ZBP1: variants seen among roughly 807,000 people sequenced by gnomAD.
The protein encoded by ZBP1 is Z-DNA-binding protein 1.
In ZBP1, 42 loss-of-function variants were observed where a neutral mutation model predicts 41.1. The observed-to-expected ratio is 1.02, with a 90% confidence interval of 0.80 to 1.32. The LOEUF (loss-of-function observed/expected upper bound fraction) is 1.32. ZBP1 is among the 40% of genes most tolerant of loss of function. The pLI is 0.00. For missense variants in ZBP1, 562 were observed against 549.7 expected (o/e 1.02, Z -0.22); for synonymous variants, 214 against 205.2 (o/e 1.04, Z -0.37).
At chr20:57,615,135 T>C (rs760291629) in intron 3 of ZBP1, 75 bp from the exon 4 acceptor site, 18 of 1,529,960 alleles carry the variant, frequency 1.2e-5, no homozygotes, top group Non-Finnish European at 1.3e-5. Flanking sequence ...CCTAGCTGTG[T>C]GGCCCTGGAC....
Position 57,614,955 on chromosome 20 carries a change from T to C in ZBP1, c.434A>G (p.Tyr145Cys). The change falls in exon 4 of 8, where the codon TAC becomes TGC. Residue 145 changes from tyrosine to cysteine, a missense_variant. Physicochemically the swap from Tyr to Cys is radical, Grantham distance 194. Transcript: ENST00000371173. Reference sequence around the variant, plus strand: ...CAGAAGGTGCCTGCTCTTCATCCTGTACAAGTCTCGGTTCACATCTTTTGC... The same window carrying C: ...CAGAAGGTGCCTGCTCTTCATCCTGCACAAGTCTCGGTTCACATCTTTTGC... ...RTAKDVNRDLYRMKSRHLLDM... is the reference protein window; with the variant it reads ...RTAKDVNRDLCRMKSRHLLDM... The C allele has an allele frequency of 6.2e-7, 1 of 1,614,248 alleles. No individual in the cohort carries two copies.
chr20:57,614,845 G>T (rs2070773507), intron 4 of ZBP1, 42 bp downstream of exon 4: 6 of 1,609,744 alleles, frequency 3.7e-6, no homozygotes, highest in Non-Finnish European at 5.1e-6. Context: ...CTAGTGTCAT[G>T]GTTTCCCTCT....
intron 6 of ZBP1, 132 bp downstream of exon 6, chr20:57,611,595 G>A (rs1482855006): frequency 2.8e-6 from 3 of 1,053,978 alleles, no homozygotes; most frequent in Non-Finnish European, 4.1e-6. Flanking sequence ...GCTCTACTCT[G>A]GTTCAGCTGC....
intron 1 of ZBP1, chr20:57,616,764 C>A (rs1415775759): frequency 2.2e-6 from 1 of 452,306 alleles, no homozygotes; most frequent in Non-Finnish European, 4.1e-6. Context: ...CAGTGGGGTT[C>A]CTCAGCTCTC....
Position 57,610,014 on chromosome 20 carries a change from G to A in ZBP1, c.1093+135C>T, listed in dbSNP as rs78469622. ...GCTGACTCTAGAGCTGCTGCTCCTC[G>A]CTGTGGGTGGGCACAGCCTCCAGAC... On this transcript the variant is annotated intron_variant, in intron 7 of 7. Transcript: ENST00000371173. The surrounding 1 kb of genome is among the most constrained non-coding windows in gnomAD (Gnocchi z 5.5). 13,770 of 986,546 alleles carry A rather than the reference G, an allele frequency of 0.014. 160 individuals carry two copies. Among genetic ancestry groups the A allele is most frequent in the Middle Eastern group, 0.028 (82 of 2,972 alleles). 61.1% of individuals were successfully genotyped at this position (986,546 alleles called of 1,614,324 possible).
At position 57,620,388 on chromosome 20, in the gene ZBP1, G is replaced by A. The variant is rs1472508340; in HGVS notation, c.-93C>T. 1.4e-6 allele frequency: 2 copies of A among 1,431,806 alleles called. No homozygotes were observed. Among genetic ancestry groups the A allele is most frequent in the Non-Finnish European group, 1.9e-6 (2 of 1,053,722 alleles). The allele number at this position is 1,431,806 out of a possible 1,614,324, so 88.7% of individuals were successfully genotyped here. A position where few individuals can be genotyped will look rare whatever the true frequency, so the allele number is the denominator to read the frequency against. On this transcript the variant is annotated 5_prime_UTR_variant, in exon 1 of 8. Coordinates refer to ENST00000371173, the MANE Select transcript of ZBP1 (RefSeq NM_030776.3). ...GAGGGTGGGCTAGGTCGAGGCTGGG[G>A]CTTCTGAAGTGGCCGAGCCTGGTGC...
chr20:57,615,455 G>T (rs1240868238), intron 3 of ZBP1, 57 bp downstream of exon 3: 1 of 1,578,680 alleles, frequency 6.3e-7, no homozygotes, highest in Non-Finnish European at 8.7e-7. Flanking sequence ...AGGGCCTGGG[G>T]TTCCTGGGGA....
chr20:57,613,301 A>AGGC lies in ZBP1; in HGVS notation c.529_531dup (p.Ala177dup). On this transcript the variant is annotated inframe_insertion, in exon 5 of 8. Coordinates refer to ENST00000371173, the MANE Select transcript of ZBP1 (RefSeq NM_030776.3). The surrounding 1 kb of genome is among the most constrained non-coding windows in gnomAD (Gnocchi z 4.5). ...ATTGGATTGTGCTGGTAAATAATTGAGGCTGACTTTGCTCTTCTTCCAGAA... is the reference window on the plus strand; with the variant it reads ...ATTGGATTGTGCTGGTAAATAATTGAGGCGGCTGACTTTGCTCTTCTTCCAGAA... 6.2e-7 allele frequency: 1 copy of AGGC among 1,614,176 alleles called. No homozygotes were observed. The highest frequency in any genetic ancestry group is 8.5e-7 in the Non-Finnish European group (1 of 1,180,050).
intron 1 of ZBP1, 50 bp from the exon 2 acceptor site, chr20:57,616,518 C>G (rs765401711): frequency 1.4e-5 from 23 of 1,603,276 alleles, no homozygotes; most frequent in Non-Finnish European, 1.8e-5. Flanking sequence ...TCCCAGGTCC[C>G]CACAGTTGAG....
chr20:57,615,234 G>T, intron 3 of ZBP1, 174 bp from the exon 4 acceptor site: 1 of 749,674 alleles, frequency 1.3e-6, no homozygotes, highest in Non-Finnish European at 2.2e-6. Flanking sequence ...TGCCCTGAGG[G>T]TGGGGGATGT....
chr20:57,616,183 C>G, intron 2 of ZBP1, 61 bp downstream of exon 2: 1 of 1,505,668 alleles, frequency 6.6e-7, no homozygotes. Flanking sequence ...CAAATCTGTG[C>G]TTGTCCATTG....
chr20:57,606,925 A>G, intron 7 of ZBP1: 2 of 1,126,692 alleles, frequency 1.8e-6, no homozygotes, highest in Non-Finnish European at 2.2e-6. Flanking sequence ...TTTTTTTACT[A>G]CTCGTTGACA....
Position 57,604,131 on chromosome 20 carries a change from C to G in ZBP1, c.*442G>C, listed in dbSNP as rs1232601777. 4 of 289,122 alleles carry G rather than the reference C, an allele frequency of 1.4e-5. No homozygotes were observed. The highest frequency in any genetic ancestry group is 2.0e-5 in the Non-Finnish European group (3 of 147,070). The allele number at this position is 289,122 out of a possible 1,614,324, so 17.9% of individuals were successfully genotyped here. ...CTATTGATCCGCCCGCCTCGGCCTCCCAAAGTGCTGGGATTACAGGCGTGA... is the reference window on the plus strand; with the variant it reads ...CTATTGATCCGCCCGCCTCGGCCTCGCAAAGTGCTGGGATTACAGGCGTGA... On this transcript the variant is annotated 3_prime_UTR_variant, in exon 8 of 8. Coordinates refer to ENST00000371173, the MANE Select transcript of ZBP1 (RefSeq NM_030776.3).
chr20:57,615,394 G>T (rs1326014068), intron 3 of ZBP1, 118 bp downstream of exon 3: 20 of 1,093,420 alleles, frequency 1.8e-5, no homozygotes, highest in Non-Finnish European at 2.7e-5. Context: ...GGAGCTGCCT[G>T]GTGGGTGGGA....
rs368022689 is a variant in ZBP1, at chr20:57,616,318, G to A, written c.185C>T (p.Ser62Phe). ...CCCGCCCAAGCACCAGGTGGCAGGG[G>A]ATGTGAGGGAGACTTTCAACTCCTT... The part of the protein sequence containing the change: ...MKKELKVSLT[S>F]PATWCLGGTD... Residue 62 changes from serine to phenylalanine, a missense_variant, in exon 2 of 8, where the codon TCC (serine) becomes TTC (phenylalanine). Ser to Phe is a radical substitution (Grantham distance 155, BLOSUM62 -2). Coordinates refer to ENST00000371173, the MANE Select transcript of ZBP1 (RefSeq NM_030776.3). 1 of 1,614,196 alleles carries A rather than the reference G, an allele frequency of 6.2e-7. No individual in the cohort carries two copies. Among genetic ancestry groups the A allele is most frequent in the Non-Finnish European group, 8.5e-7 (1 of 1,180,042 alleles).
At chr20:57,612,052 G>T in intron 5 of ZBP1, 122 bp from the exon 6 acceptor site, 2 of 1,095,936 alleles carry the variant, frequency 1.8e-6, no homozygotes, top group Non-Finnish European at 2.6e-6. Flanking sequence ...GGCGGCCAAA[G>T]ACTTCAGGCT....
intron 3 of ZBP1, 125 bp downstream of exon 3, chr20:57,615,387 G>A: frequency 9.8e-7 from 1 of 1,019,012 alleles, no homozygotes. Flanking sequence ...CTGTATGGGA[G>A]CTGCCTGGTG....
rs66832510 is a variant in ZBP1 at position 57,604,116 on chromosome 20, G to T, written c.*457C>A. On this transcript the variant is annotated 3_prime_UTR_variant, in exon 8 of 8. Transcript: ENST00000371173. ...TCTGGATTTCCTGACCTATTGATCCGCCCGCCTCGGCCTCCCAAAGTGCTG... is the reference window on the plus strand; with the variant it reads ...TCTGGATTTCCTGACCTATTGATCCTCCCGCCTCGGCCTCCCAAAGTGCTG... 0.17 allele frequency: 46,459 copies of T among 276,958 alleles called. 4,942 individuals carry two copies. The highest frequency in any genetic ancestry group is 0.53 in the East Asian group (4,308 of 8,166). The allele number at this position is 276,958 out of a possible 1,614,324, so 17.2% of individuals were successfully genotyped here. A position where few individuals can be genotyped will look rare whatever the true frequency, so the allele number is the denominator to read the frequency against.
In ZBP1 at chr20:57,616,400, C is replaced by T; in HGVS notation, c.103G>A (p.Val35Met). 2.5e-6 allele frequency: 4 copies of T among 1,614,156 alleles called. No individual in the cohort carries two copies. The highest frequency in any genetic ancestry group is 3.4e-6 in the Non-Finnish European group (4 of 1,180,020). ...CTCTTGGGTGCTTGGCATTCCTTCACCAGCTGGGCAAGTTTCACCGGGGAG... is the reference window on the plus strand; with the variant it reads ...CTCTTGGGTGCTTGGCATTCCTTCATCAGCTGGGCAAGTTTCACCGGGGAG... The part of the protein sequence containing the change: ...AGSPVKLAQL[V>M]KECQAPKREL... Residue 35 changes from valine (V) to methionine (M), a missense_variant, in exon 2 of 8, where the codon GTG becomes ATG. Physicochemically the swap from Val to Met is conservative, Grantham distance 21. Coordinates refer to ENST00000371173, the MANE Select transcript of ZBP1 (RefSeq NM_030776.3).
Sources: allele counts gnomAD v4.1 joint callset, GRCh38; gene constraint gnomAD v4.1.1; non-coding constraint Gnocchi (gnomAD v3.1); transcripts MANE v1.5; gene names NCBI Gene and HGNC (gene_info 2026-07-23, HGNC 2026-07-21).